Variants in NIPAL3 observed in about 807,000 individuals in gnomAD.
NIPAL3 encodes the protein NIPA like domain containing 3, also known as NIPA-like protein 3.
NIPAL3 carries 41 observed loss-of-function variants against 47.2 expected under a neutral mutation model. The ratio of observed to expected loss-of-function variants is 0.87; its 90% CI spans 0.68 to 1.13. The LOEUF is 1.13. NIPAL3 is among the 50% of genes most tolerant of loss of function. The pLI is 0.00. For synonymous variants in NIPAL3, 194 were observed against 209.6 expected, an observed-to-expected ratio of 0.93 and a Z score of 0.64; for missense variants, 449 against 530.1, an observed-to-expected ratio of 0.85 and a Z score of 1.50.
At chr1:24,465,975 C>T in intron 11 of NIPAL3, 1 of 1,600,348 alleles carries the variant, frequency 6.2e-7, no homozygotes, top group Non-Finnish European at 8.5e-7. Flanking sequence ...CCCTGGTCAG[C>T]ATTAGGATCT....
intron 7 of NIPAL3, among the ~76,000 whole-genome samples, chr1:24,455,169 C>T (rs1646135712): frequency 6.6e-6 from 1 of 152,198 alleles, no homozygotes; most frequent in Admixed American, 6.5e-5. Context: ...CAAAGCACAG[C>T]AGCAGGGACC....
intron 2 of NIPAL3, among the ~76,000 whole-genome samples, chr1:24,436,654 A>G (rs1645122759): frequency 2.4e-5 from 3 of 122,542 alleles, no homozygotes; most frequent in Non-Finnish European, 4.4e-5. Flanking sequence ...ACGCCCAGAT[A>G]ATTTTTGGGT....
intron 6 of NIPAL3, among the ~76,000 whole-genome samples, chr1:24,450,583 C>A (rs2148827151): frequency 6.6e-6 from 1 of 152,328 alleles, no homozygotes; most frequent in South Asian, 2.1e-4. Flanking sequence ...CTGTGCTAAA[C>A]ACATTTTTAT....
intron 2 of NIPAL3, among the ~76,000 whole-genome samples, chr1:24,434,164 T>C (rs10218604): frequency 0.12 from 17,932 of 152,186 alleles, 3,431 homozygotes; most frequent in African/African-American, 0.4. Context: ...AGAATATATA[T>C]TTTAAAACAT....
Position 24,468,071 on chromosome 1 carries a change from T to G in NIPAL3, c.1022-915T>G, listed in dbSNP as rs545934771. 1.3e-3 allele frequency among the ~76,000 whole-genome samples: 196 copies of G among 151,978 alleles called. 1 individual carries two copies. The highest frequency in any genetic ancestry group is 4.4e-3 in the African/African-American group (184 of 41,420). ...CCTGTAATCCCAACACTTTGGGAGGTGGGGCAGGTGGATCAATTCAGCCCA... is the reference window on the plus strand; with the variant it reads ...CCTGTAATCCCAACACTTTGGGAGGGGGGGCAGGTGGATCAATTCAGCCCA... On this transcript the variant is annotated intron_variant, in intron 11 of 11. Transcript: ENST00000374399.
Position 24,455,648 on chromosome 1 carries a change from G to T in NIPAL3, c.638-490G>T, listed in dbSNP as rs554278432. Among the ~76,000 whole-genome samples the T allele has an allele frequency of 8.6e-5, 13 of 151,894 alleles. No individual in the cohort carries two copies. In the South Asian group the frequency reaches 2.7e-3, roughly 32 times the overall value. ...TGCCTGGGCAATATAGCGAGACCCT[G>T]TTGTCCACAAAAAGGAAAAAAAAAA... On this transcript the variant is annotated intron_variant, in intron 7 of 11. Coordinates refer to ENST00000374399, the MANE Select transcript of NIPAL3 (RefSeq NM_020448.5).
chr1:24,447,592 A>G (rs139427482), intron 5 of NIPAL3, among the ~76,000 whole-genome samples: 1 of 152,334 alleles, frequency 6.6e-6, no homozygotes, highest in East Asian at 1.9e-4. Context: ...AGAAAAAAGT[A>G]GAGACTTTGG....
intron 2 of NIPAL3, among the ~76,000 whole-genome samples, chr1:24,429,305 A>G (rs1201395719): frequency 2.0e-5 from 3 of 151,692 alleles, no homozygotes; most frequent in Non-Finnish European, 2.9e-5. Context: ...CCAGCTACTC[A>G]GGAGGCCGAG....
rs919872072 is a variant in NIPAL3 at position 24,419,402 on chromosome 1, C to G, written c.-146C>G. 51 of 1,361,934 alleles carry G rather than the reference C, an allele frequency of 3.7e-5. No homozygotes were observed. Among genetic ancestry groups the G allele is most frequent in the Non-Finnish European group, 4.6e-5 (49 of 1,058,066 alleles). 84.4% of individuals were successfully genotyped at this position (1,361,934 alleles called of 1,614,324 possible). ...GAAGGCTGTAAATCTGCCAAAACAG[C>G]CTTGAAGTATTCTTTTGTCATGAGG... On this transcript the variant is annotated 5_prime_UTR_variant, in exon 2 of 12. Transcript: ENST00000374399.
intron 6 of NIPAL3, among the ~76,000 whole-genome samples, chr1:24,452,673 C>T (rs1456412957): frequency 6.6e-6 from 1 of 152,028 alleles, no homozygotes; most frequent in African/African-American, 2.4e-5. Flanking sequence ...ACACTGGAAG[C>T]TTGGCTGGGA....
chr1:24,453,129 TCCAA>T (rs1646022571), intron 6 of NIPAL3, among the ~76,000 whole-genome samples: 1 of 152,084 alleles, frequency 6.6e-6, no homozygotes, highest in Admixed American at 6.5e-5. Context: ...ATCTTGGCCC[TCCAA>T]GAAAGAGTGG....
At chr1:24,463,154 C>A (rs143752080) in intron 10 of NIPAL3, among the ~76,000 whole-genome samples, 142 of 152,120 alleles carry the variant, frequency 9.3e-4, no homozygotes, top group African/African-American at 3.3e-3. Flanking sequence ...TGCCACTTGA[C>A]TCCAGCCTGG....
chr1:24,440,654 C>T (rs1043572995), intron 3 of NIPAL3, among the ~76,000 whole-genome samples: 1 of 152,204 alleles, frequency 6.6e-6, no homozygotes, highest in Non-Finnish European at 1.5e-5. Context: ...CAAATCCCCT[C>T]GGCCTGTCTG....
chr1:24,433,100 G>A (rs1644949062), intron 2 of NIPAL3: 1 of 152,146 alleles, frequency 6.6e-6, no homozygotes, highest in East Asian at 1.9e-4. Context: ...TTTCATTCTT[G>A]CAGCTGCCCT....
chr1:24,459,995 G>A (rs529943273), intron 9 of NIPAL3, among the ~76,000 whole-genome samples: 1 of 152,258 alleles, frequency 6.6e-6, no homozygotes, highest in African/African-American at 2.4e-5. Context: ...CACAGACTTG[G>A]GATCTACTGG....
chr1:24,442,896 G>A (rs949813240), intron 4 of NIPAL3, among the ~76,000 whole-genome samples: 1 of 152,256 alleles, frequency 6.6e-6, no homozygotes, highest in African/African-American at 2.4e-5. Context: ...CTTAAGTCCA[G>A]TGTTTGAGTG....
chr1:24,444,293 T>G (rs1316106427), intron 4 of NIPAL3, among the ~76,000 whole-genome samples: 1 of 152,042 alleles, frequency 6.6e-6, no homozygotes, highest in African/African-American at 2.4e-5. Flanking sequence ...TTTTCAATGG[T>G]GGGCTGGTAA....
intron 11 of NIPAL3, chr1:24,465,867 TCA>T: frequency 1.5e-6 from 2 of 1,336,156 alleles, no homozygotes; most frequent in Non-Finnish European, 2.0e-6. Flanking sequence ...TTTGGAAGTT[TCA>T]CACACTTGTT....
chr1:24,462,414 A>G (rs1172078321), intron 10 of NIPAL3, among the ~76,000 whole-genome samples: 1 of 152,252 alleles, frequency 6.6e-6, no homozygotes, highest in Non-Finnish European at 1.5e-5. Flanking sequence ...ATGTCTACCA[A>G]CAGGAGAGTA....
Sources: gnomAD v4.1 joint callset for allele counts (sites outside exome capture counted in the v4.1 genomes callset) on GRCh38, gnomAD v4.1.1 for gene constraint, MANE v1.5 for transcripts, NCBI Gene and HGNC (gene_info 2026-07-23, HGNC 2026-07-21) for gene names.